FSCN3: variants seen among roughly 807,000 people sequenced by gnomAD.
FSCN3 encodes the protein fascin actin-bundling protein 3.
In FSCN3, 43 loss-of-function variants were observed where a neutral mutation model predicts 53.5. The ratio of observed to expected loss-of-function variants is 0.80; its 90% CI spans 0.63 to 1.04. FSCN3 has a LOEUF of 1.04. FSCN3 is among the 50% of genes least tolerant of loss of function. The probability of loss-of-function intolerance (pLI) is 0.00; values close to 1 mark genes in which losing one functional copy is unlikely to be tolerated. For synonymous variants in FSCN3, 235 were observed against 246.6 expected (o/e 0.95, Z 0.44); for missense variants, 594 against 646.5 (o/e 0.92, Z 0.88).
chr7:127,594,854 G>T (rs186060386), intron 1 of FSCN3: 280 of 472,848 alleles, frequency 5.9e-4, no homozygotes, highest in Non-Finnish European at 1.0e-3. Context: ...GCCAGGGCCT[G>T]CCTATAAGAG....
intron 6 of FSCN3, 72 bp downstream of exon 6, chr7:127,600,471 G>A (rs1329146137): frequency 1.1e-6 from 1 of 917,982 alleles, no homozygotes; most frequent in South Asian, 1.4e-5. Context: ...GAGGTGGGTG[G>A]GGAGGCATGT....
Position 127,595,882 on chromosome 7 carries a change from G to A in FSCN3, c.720G>A (p.Thr240=), listed in dbSNP as rs149487342. The change falls in exon 2 of 7, where the codon ACG becomes ACA. Residue 240 remains threonine (T), a synonymous_variant. Transcript: ENST00000265825. ...GAGGCATGTTATATCCACAGGGCAC[G>A]CATCTGCTCTTGGGCATGGGCTGCA... ...GEGGMLYPQG[T]HLLLGMGCNP... The A allele has an allele frequency of 1.3e-5, 21 of 1,613,570 alleles. No homozygotes were observed. The highest frequency in any genetic ancestry group is 1.2e-4 in the African/African-American group (9 of 74,934).
chr7:127,594,719 A>G, intron 1 of FSCN3: 1 of 471,254 alleles, frequency 2.1e-6, no homozygotes, highest in South Asian at 1.5e-5. Flanking sequence ...AGAGGAATGT[A>G]GGCACCTCTG....
intron 1 of FSCN3, among the ~76,000 whole-genome samples, chr7:127,594,248 C>CTGTGTGTGTGTGTG (rs368223947): frequency 5.1e-5 from 5 of 98,938 alleles, no homozygotes; most frequent in African/African-American, 9.2e-5. Flanking sequence ...AGTGGCCAAG[C>CTGTGTGTGTGTGTG]TGTGTGTGTG....
Position 127,595,966 on chromosome 7 carries a change from C to T in FSCN3, c.804C>T (p.Leu268=), listed in dbSNP as rs1642082585. Residue 268 remains leucine (L), a synonymous_variant, in exon 2 of 7, where the codon CTC becomes CTT. Coordinates refer to ENST00000265825, the MANE Select transcript of FSCN3 (RefSeq NM_020369.3). ...ILQHCPTWVS[L]RSKTGRFISV... is the part of the protein sequence containing the mutation. ...AGCACTGCCCAACCTGGGTCAGCCT[C>T]AGGTCAAAGACTGGGCGGTTCATCT... is the stretch of plus-strand genomic sequence containing the variant. The T allele has an allele frequency of 4.4e-6, 7 of 1,577,922 alleles. No homozygotes were observed. Among genetic ancestry groups the T allele is most frequent in the Non-Finnish European group, 6.0e-6 (7 of 1,160,754 alleles).
chr7:127,599,549 A>G lies in FSCN3; in HGVS notation c.1289A>G (p.Gln430Arg). ...LPCRPGIYHFQAQGGSFWSIT... is the reference protein window; with the variant it reads ...LPCRPGIYHFRAQGGSFWSIT... ...TGCCGACCGGGTATCTACCACTTCC[A>G]GGGTGAGTGGCTCCTCTTCCCTGCC... Residue 430 changes from glutamine (Q) to arginine (R), a missense_variant and splice_region_variant, in exon 5 of 7, where the codon CAG becomes CGG. Transcript: ENST00000265825. The G allele has an allele frequency of 1.2e-6, 2 of 1,613,852 alleles. No homozygotes were observed. The highest frequency in any genetic ancestry group is 2.2e-5 in the South Asian group (2 of 91,044).
chr7:127,598,887 G>A (rs1794429373), intron 4 of FSCN3, among the ~76,000 whole-genome samples: 1 of 151,776 alleles, frequency 6.6e-6, no homozygotes. Flanking sequence ...TTGAACCTGG[G>A]ACTTGGAGGT....
chr7:127,598,960 C>CAA (rs572782813), intron 4 of FSCN3, among the ~76,000 whole-genome samples: 4 of 118,216 alleles, frequency 3.4e-5, no homozygotes, highest in Non-Finnish European at 7.3e-5. Flanking sequence ...ACTCTATCTC[C>CAA]AAAAAAAAAA....
At chr7:127,601,436 CAA>C (rs903819021) in intron 6 of FSCN3, among the ~76,000 whole-genome samples, 185 bp from the exon 7 acceptor site, 1 of 152,224 alleles carries the variant, frequency 6.6e-6, no homozygotes, top group Non-Finnish European at 1.5e-5. Context: ...GACCTGGAAT[CAA>C]GAGCTATTAA....
At chr7:127,601,502 A>T (rs1794475724) in intron 6 of FSCN3, 121 bp from the exon 7 acceptor site, 1 of 152,234 alleles carries the variant, frequency 6.6e-6, no homozygotes, top group South Asian at 2.1e-4. Flanking sequence ...CCTCATCAAG[A>T]ATAGGATAAA....
chr7:127,600,436 G>A, intron 6 of FSCN3, 37 bp downstream of exon 6: 1 of 1,275,690 alleles, frequency 7.8e-7, no homozygotes, highest in Non-Finnish European at 1.1e-6. Flanking sequence ...TAGGGGAGCA[G>A]AAGCCATGGG....
intron 3 of FSCN3, among the ~76,000 whole-genome samples, chr7:127,597,428 G>A (rs955648499): frequency 7.9e-5 from 12 of 151,788 alleles, no homozygotes; most frequent in Admixed American, 2.0e-4. Flanking sequence ...TCTAGTGGGT[G>A]TGTAATTTAT....
chr7:127,602,126 T>G lies in FSCN3; in HGVS notation c.*504T>G, dbSNP rs1307173914. On this transcript the variant is annotated 3_prime_UTR_variant, in exon 7 of 7. Transcript: ENST00000265825. ...CCACTTTACCTCCTCCTACCACGATTTATTTAACTTCCCCACCCATCATTA... is the reference window on the plus strand; with the variant it reads ...CCACTTTACCTCCTCCTACCACGATGTATTTAACTTCCCCACCCATCATTA... 7 of 152,154 alleles carry G rather than the reference T, an allele frequency of 4.6e-5. No homozygotes were observed. The highest frequency in any genetic ancestry group is 4.6e-4 in the Admixed American group (7 of 15,260). The allele number at this position is 152,154 out of a possible 1,614,324, so 9.4% of individuals were successfully genotyped here.
intron 1 of FSCN3, chr7:127,594,770 T>C (rs548215807): frequency 2.1e-6 from 1 of 471,384 alleles, no homozygotes; most frequent in East Asian, 6.9e-5. Context: ...GTTCTTCCTC[T>C]TATAACAAGG....
Position 127,601,747 on chromosome 7 carries a change from T to G in FSCN3, c.*125T>G, listed in dbSNP as rs993787121. The G allele has an allele frequency of 6.6e-6, 1 of 152,208 alleles. No homozygotes were observed. Among genetic ancestry groups the G allele is most frequent in the Non-Finnish European group, 1.5e-5 (1 of 68,048 alleles). 9.4% of individuals were successfully genotyped at this position (152,208 alleles called of 1,614,324 possible). On this transcript the variant is annotated 3_prime_UTR_variant, in exon 7 of 7. Transcript: ENST00000265825. The stretch of plus-strand genomic sequence containing the variant: ...CTGTTACAACTTTTCCTACCCAGTT[T>G]AGCAAAACACCTGTTTTATGCAACA...
Position 127,595,927 on chromosome 7 carries a change from G to GT in FSCN3, c.766dup (p.Trp256LeufsTer28), listed in dbSNP as rs1287029827. ...GCTGCAACCCCATGAGGGGTGAGGA[G>GT]TGGTTCATCCTACAGCACTGCCCAA... On this transcript the variant is annotated frameshift_variant, in exon 2 of 7. Coordinates refer to ENST00000265825, the MANE Select transcript of FSCN3 (RefSeq NM_020369.3). LOFTEE classifies it high-confidence loss of function. 1 of 1,608,692 alleles carries GT rather than the reference G, an allele frequency of 6.2e-7. No individual in the cohort carries two copies. Among genetic ancestry groups the GT allele is most frequent in the Middle Eastern group, 1.7e-4 (1 of 6,040 alleles).
chr7:127,596,134 T>C, intron 2 of FSCN3, 131 bp downstream of exon 2: 2 of 1,489,044 alleles, frequency 1.3e-6, no homozygotes, highest in South Asian at 2.8e-5. Context: ...GGGGATCTTT[T>C]GTGCCATCGA....
Position 127,599,312 on chromosome 7 carries a change from C to G in FSCN3, c.1121-69C>G, listed in dbSNP as rs574941679. On this transcript the variant is annotated intron_variant, in intron 4 of 6. Coordinates refer to ENST00000265825, the MANE Select transcript of FSCN3 (RefSeq NM_020369.3). ...ACACCCTTCTGCAATTAGCGTCCCC[C>G]CTCCTGCTTCCACTTGGGAAAACAC... The G allele has an allele frequency of 1.7e-4, 200 of 1,208,156 alleles. 1 individual carries two copies. In the Admixed American group the frequency reaches 3.3e-3, roughly 20 times the overall value. The allele number at this position is 1,208,156 out of a possible 1,614,324, so 74.8% of individuals were successfully genotyped here.
At chr7:127,599,268 C>T in intron 4 of FSCN3, 113 bp from the exon 5 acceptor site, 2 of 772,038 alleles carry the variant, frequency 2.6e-6, no homozygotes, top group Non-Finnish European at 2.2e-6. Context: ...GGTGTTCATT[C>T]ACTGTTAAAA....
Sources: allele counts gnomAD v4.1 joint callset (sites outside exome capture counted in the v4.1 genomes callset), GRCh38; gene constraint gnomAD v4.1.1; transcripts MANE v1.5; gene names NCBI Gene and HGNC (gene_info 2026-07-23, HGNC 2026-07-21).